Variants in SPEF2 observed in about 807,000 individuals in gnomAD.
SPEF2 encodes sperm flagella and cilia-associated protein 2.
Under a neutral mutation model 224.6 loss-of-function variants are expected in SPEF2, and 187 were observed. The observed-to-expected ratio is 0.83, with a 90% CI of 0.74 to 0.94. The LOEUF (loss-of-function observed/expected upper bound fraction) is 0.94. Among genes scored for constraint, SPEF2 ranks in the 40% least tolerant of loss-of-function variants. SPEF2 has a pLI of 0.00. For missense variants in SPEF2, 2,170 were observed against 2,135.6 expected (o/e 1.02, Z -0.32); for synonymous variants, 715 against 707.3 (o/e 1.01, Z -0.17).
At chr5:35,742,050 T>C (rs1580537366) in intron 23 of SPEF2, among the ~76,000 whole-genome samples, 1 of 152,236 alleles carries the variant, frequency 6.6e-6, no homozygotes, top group East Asian at 1.9e-4. Flanking sequence ...TCAATGGTGG[T>C]TGTTTTTACA....
At chr5:35,709,510 G>A in intron 19 of SPEF2, 1 of 990,616 alleles carries the variant, frequency 1.0e-6, no homozygotes, top group Non-Finnish European at 1.2e-6. Context: ...AATGAGTATA[G>A]CTGGTTTTCC....
At chr5:35,655,701 T>C (rs567920821) in intron 7 of SPEF2, among the ~76,000 whole-genome samples, 1 of 152,180 alleles carries the variant, frequency 6.6e-6, no homozygotes, top group Non-Finnish European at 1.5e-5. Context: ...CAAGGGAATA[T>C]CACATGGAAA....
intron 10 of SPEF2, among the ~76,000 whole-genome samples, chr5:35,682,887 C>T (rs575772492): frequency 9.2e-5 from 14 of 152,192 alleles, no homozygotes; most frequent in Admixed American, 7.2e-4. Context: ...CAGGGGTAAT[C>T]GGCAGCATCA....
intron 2 of SPEF2, among the ~76,000 whole-genome samples, chr5:35,637,867 T>C (rs1318043261): frequency 6.6e-6 from 1 of 152,188 alleles, no homozygotes; most frequent in African/African-American, 2.4e-5. Context: ...GGTAGGTCAG[T>C]GTCCATGCCC....
chr5:35,648,126 G>A (rs762448022), intron 5 of SPEF2, among the ~76,000 whole-genome samples: 44 of 152,092 alleles, frequency 2.9e-4, no homozygotes, highest in African/African-American at 9.2e-4. Context: ...TTCCCATTTC[G>A]TAGATGAGGA....
At chr5:35,784,121 A>C (rs561409723) in intron 30 of SPEF2, among the ~76,000 whole-genome samples, 45 of 149,496 alleles carry the variant, frequency 3.0e-4, no homozygotes, top group Admixed American at 2.4e-3. Flanking sequence ...CCTTTTGGAG[A>C]CCGATAGATT....
At chr5:35,645,050 A>G (rs1747160352) in intron 4 of SPEF2, among the ~76,000 whole-genome samples, 1 of 152,092 alleles carries the variant, frequency 6.6e-6, no homozygotes, top group South Asian at 2.1e-4. Context: ...TGCTTTGACT[A>G]ACTCTCTGCT....
chr5:35,799,954 C>A lies in SPEF2; in HGVS notation c.4831-14C>A, dbSNP rs1365576928. 6.2e-7 allele frequency: 1 copy of A among 1,613,292 alleles called. No individual in the cohort carries two copies. The highest frequency in any genetic ancestry group is 8.5e-7 in the Non-Finnish European group (1 of 1,179,538). On this transcript the variant is annotated splice_polypyrimidine_tract_variant and intron_variant, in intron 33 of 36. Transcript: ENST00000356031. Reference sequence around the variant, plus strand: ...GTGCACCCATTTTATCTTTGGAATTCTTTTTGTGTGCAGTTTTTCTTTAGG... The same window carrying A: ...GTGCACCCATTTTATCTTTGGAATTATTTTTGTGTGCAGTTTTTCTTTAGG...
At chr5:35,706,814 A>G (rs1030688171) in intron 18 of SPEF2, among the ~76,000 whole-genome samples, 1 of 152,314 alleles carries the variant, frequency 6.6e-6, no homozygotes, top group South Asian at 2.1e-4. Context: ...AACTACCAGC[A>G]TGAACCTTTC....
chr5:35,667,309 A>G, intron 9 of SPEF2, 50 bp downstream of exon 9: 4 of 1,443,406 alleles, frequency 2.8e-6, no homozygotes, highest in Non-Finnish European at 3.8e-6. Context: ...AGAATGAGGA[A>G]GGATAAGATT....
chr5:35,753,813 C>A (rs749919318), intron 24 of SPEF2, 52 bp downstream of exon 24: 7 of 1,607,948 alleles, frequency 4.4e-6, no homozygotes, highest in Non-Finnish European at 5.1e-6. Context: ...CAGCCTCATT[C>A]CTCAGTCCTT....
chr5:35,726,043 T>C (rs75696820), intron 20 of SPEF2, among the ~76,000 whole-genome samples: 2,866 of 152,340 alleles, frequency 0.019, 65 homozygotes, highest in South Asian at 0.054. Flanking sequence ...TAAAAAGTAA[T>C]GCAGCTTGTT....
At chr5:35,699,243 T>C (rs2149556714) in intron 15 of SPEF2, 1 of 152,338 alleles carries the variant, frequency 6.6e-6, no homozygotes. Flanking sequence ...GATTCCATTG[T>C]TTAATATAAG....
chr5:35,715,966 A>G (rs1379709728), intron 20 of SPEF2, among the ~76,000 whole-genome samples: 1 of 151,966 alleles, frequency 6.6e-6, no homozygotes, highest in Non-Finnish European at 1.5e-5. Context: ...TTAACTAAAG[A>G]TTGAAATGCA....
intron 9 of SPEF2, among the ~76,000 whole-genome samples, chr5:35,668,644 A>G (rs1750845136): frequency 6.6e-6 from 1 of 152,136 alleles, no homozygotes; most frequent in Non-Finnish European, 1.5e-5. Flanking sequence ...AGATATTACA[A>G]TCAGGAGACA....
At chr5:35,629,678 A>G (rs1744809481) in intron 2 of SPEF2, among the ~76,000 whole-genome samples, 1 of 152,206 alleles carries the variant, frequency 6.6e-6, no homozygotes, top group Non-Finnish European at 1.5e-5. Flanking sequence ...TCACATATTT[A>G]GTATCTTCAC....
chr5:35,744,979 A>G (rs1748247931), intron 23 of SPEF2, among the ~76,000 whole-genome samples: 1 of 151,682 alleles, frequency 6.6e-6, no homozygotes, highest in African/African-American at 2.4e-5. Flanking sequence ...TGAGTGCCCT[A>G]GTGCGGCAGT....
chr5:35,688,585 T>G (rs1421072919), intron 10 of SPEF2, among the ~76,000 whole-genome samples: 1 of 152,178 alleles, frequency 6.6e-6, no homozygotes, highest in Non-Finnish European at 1.5e-5. Context: ...TTCCTTGGAT[T>G]CATGAAATAA....
Position 35,641,667 on chromosome 5 carries a change from G to A in SPEF2, c.398G>A (p.Ser133Asn), listed in dbSNP as rs148174540. The A allele has an allele frequency of 3.5e-4, 557 of 1,612,974 alleles. 3 individuals are homozygous for A. In the African/African-American group the frequency reaches 6.5e-3, roughly 19 times the overall value. Reference sequence around the variant, plus strand: ...AATTTAAGACTTCAAAACATGAAAAGTGATACTTTTCAAGAGGTAGGTACA... The same window carrying A: ...AATTTAAGACTTCAAAACATGAAAAATGATACTTTTCAAGAGGTAGGTACA... ...LTNLRLQNMK[S>N]DTFQERLRHM... Residue 133 changes from serine to asparagine, a missense_variant, in exon 3 of 37, where the codon AGT becomes AAT. Ser to Asn is a conservative substitution (Grantham distance 46, BLOSUM62 1). Transcript: ENST00000356031.
Sources: allele counts gnomAD v4.1 joint callset (sites outside exome capture counted in the v4.1 genomes callset), GRCh38; gene constraint gnomAD v4.1.1; transcripts MANE v1.5; gene names NCBI Gene and HGNC (gene_info 2026-07-23, HGNC 2026-07-21).